The following MYOM3 variants were observed in gnomAD, a reference collection of about 807,000 sequenced individuals.
MYOM3 encodes the protein myomesin 3, also known as myomesin-3.
In MYOM3, 155 loss-of-function variants were observed where a neutral mutation model predicts 191.7. That is an observed-to-expected ratio of 0.81 (90% confidence interval 0.71 to 0.92). The LOEUF is 0.92. Among genes scored for constraint, MYOM3 ranks in the 40% least tolerant of loss-of-function variants. The pLI is 0.00. For missense variants in MYOM3, 1,889 were observed against 1,890.6 expected (o/e 1.00, Z 0.02); for synonymous variants, 757 against 762.9 (o/e 0.99, Z 0.13).
chr1:24,106,160 C>G, intron 4 of MYOM3, 83 bp from the exon 5 acceptor site: 1 of 1,437,892 alleles, frequency 7.0e-7, no homozygotes, highest in Non-Finnish European at 9.3e-7. Flanking sequence ...CACTGACACC[C>G]AGACTCTGTA....
intron 20 of MYOM3, among the ~76,000 whole-genome samples, chr1:24,078,714 A>C (rs1643632266): frequency 2.0e-5 from 3 of 152,250 alleles, no homozygotes; most frequent in Admixed American, 2.0e-4. Flanking sequence ...CCTCAAATAA[A>C]GGAGGCCCTG....
Position 24,063,507 on chromosome 1 carries a change from A to T in MYOM3, c.3646T>A (p.Leu1216Met). The change falls in exon 31 of 37, where the codon TTG (leucine) becomes ATG (methionine). Residue 1216 changes from leucine to methionine, a missense_variant. Transcript: ENST00000374434. This position sits in a 1 kb window ranked among gnomAD's most constrained non-coding sequence, Gnocchi z 4.5. ...GDALDAIFTE[L>M]GRIGALSATP... The stretch of plus-strand genomic sequence containing the variant: ...GGCTGCTTACCACCAATCCTGCCCA[A>T]CTCGGTGAAGATGGCATCCAGGGCT... 8.1e-6 allele frequency: 13 copies of T among 1,614,138 alleles called. No homozygotes were observed. The highest frequency in any genetic ancestry group is 1.1e-5 in the Non-Finnish European group (13 of 1,179,994).
rs777483764 is a variant in MYOM3, at chr1:24,068,363, C to T, written c.3155G>A (p.Arg1052His). 9 of 1,613,920 alleles carry T rather than the reference C, an allele frequency of 5.6e-6. No homozygotes were observed. The highest frequency in any genetic ancestry group is 2.7e-5 in the African/African-American group (2 of 74,876). ...NNKEIFSSPN[R>H]KINFDREKGL... ...CTTCTCTCGGTCAAAATTGATTTTG[C>T]GGTTCTGAAAAGGACAAACTCCAGA... The change falls in exon 26 of 37, where the codon CGC becomes CAC. Residue 1052 changes from arginine to histidine, a missense_variant. Arg to His is a conservative substitution (Grantham distance 29). Transcript: ENST00000374434.
At chr1:24,110,149 A>G (rs529476020) in intron 1 of MYOM3, among the ~76,000 whole-genome samples, 1 of 152,270 alleles carries the variant, frequency 6.6e-6, no homozygotes, top group African/African-American at 2.4e-5. Context: ...AAATCCCTGG[A>G]ATGGCTTTCA....
chr1:24,092,825 T>G, intron 10 of MYOM3, 122 bp downstream of exon 10: 1 of 1,024,754 alleles, frequency 9.8e-7, no homozygotes, highest in Non-Finnish European at 1.3e-6. Context: ...GCCCTGATTT[T>G]ATGGTAGAGA....
intron 35 of MYOM3, 146 bp downstream of exon 35, chr1:24,060,914 G>T: frequency 1.2e-6 from 1 of 861,742 alleles, no homozygotes; most frequent in South Asian, 1.6e-5. Context: ...TCTTGCCCAG[G>T]TCTTCCCTGC....
At chr1:24,106,357 T>C (rs1056051827) in intron 4 of MYOM3, among the ~76,000 whole-genome samples, 39 of 151,024 alleles carry the variant, frequency 2.6e-4, no homozygotes, top group African/African-American at 8.6e-4. Flanking sequence ...CCTCACCCAC[T>C]GTGGGGGTGT....
At chr1:24,081,563 C>G in intron 18 of MYOM3, 107 bp from the exon 19 acceptor site, 1 of 1,335,890 alleles carries the variant, frequency 7.5e-7, no homozygotes, top group Non-Finnish European at 1.0e-6. Flanking sequence ...GGGGGCTTTG[C>G]TTTTATTTTT....
Position 24,080,184 on chromosome 1 carries a change from G to A in MYOM3, c.2418C>T (p.Tyr806=), listed in dbSNP as rs148129834. The change falls in exon 20 of 37, where the codon TAC becomes TAT. Residue 806 remains tyrosine (Y), a synonymous_variant. Transcript: ENST00000374434. ...EWTMPQPGPP[Y]DVRASEVRAT... ...CCCGCACCTCGGATGCCCGTACATC[G>A]TACGGGGGGCCTGTGACAAGTGAGA... 7.3e-5 allele frequency: 118 copies of A among 1,609,068 alleles called. No homozygotes were observed. The highest frequency in any genetic ancestry group is 9.2e-5 in the Non-Finnish European group (108 of 1,177,486).
chr1:24,057,084 A>G lies in MYOM3; in HGVS notation c.*280T>C, dbSNP rs113558054. 1 of 469,826 alleles carries G rather than the reference A, an allele frequency of 2.1e-6. No homozygotes were observed. Among genetic ancestry groups the G allele is most frequent in the Non-Finnish European group, 3.8e-6 (1 of 261,308 alleles). 29.1% of individuals were successfully genotyped at this position (469,826 alleles called of 1,614,324 possible). On this transcript the variant is annotated 3_prime_UTR_variant, in exon 37 of 37. Coordinates refer to ENST00000374434, the MANE Select transcript of MYOM3 (RefSeq NM_152372.4). ...TTAGCAGCGTACCTGACCTCTACCT[A>G]TCAGATGCCAGTACTGTTAGATAGC... is the stretch of plus-strand genomic sequence containing the variant.
chr1:24,071,912 A>G (rs528604060), intron 24 of MYOM3, 57 bp downstream of exon 24: 2 of 1,568,614 alleles, frequency 1.3e-6, no homozygotes, highest in East Asian at 2.2e-5. Context: ...TGCTCAGAAC[A>G]TGCCAATGGG....
chr1:24,095,451 T>C lies in MYOM3; in HGVS notation c.781A>G (p.Ile261Val), dbSNP rs763185221. The C allele has an allele frequency of 1.4e-5, 23 of 1,612,798 alleles. No homozygotes were observed. The Admixed American group carries it at 3.8e-4, about 27-fold the overall frequency. Residue 261 changes from isoleucine (I) to valine (V), a missense_variant, in exon 8 of 37, where the codon ATC becomes GTC. Coordinates refer to ENST00000374434, the MANE Select transcript of MYOM3 (RefSeq NM_152372.4). ...CCCCCAGCCGACTTACTTTTGAAGA[T>C]CTCTGAATCGAAGCCAGCATCCTTC... ...LGKDAGFDSEIFKRSTFGPSV... is the reference protein window; with the variant it reads ...LGKDAGFDSEVFKRSTFGPSV...
chr1:24,076,200 G>C lies in MYOM3; in HGVS notation c.2660C>G (p.Pro887Arg). The change falls in exon 21 of 37, where the codon CCG becomes CGG. Residue 887 changes from proline (P) to arginine (R), a missense_variant. By Grantham distance (103) the Pro-to-Arg change is moderately radical. Coordinates refer to ENST00000374434, the MANE Select transcript of MYOM3 (RefSeq NM_152372.4). ...GAGCACGGGATCAGTGGGCATGGAC[G>C]GTTGCCCCAGACCAGCTGAATTCAT... ...QAMNSAGLGQ[P>R]SMPTDPVLLE... is the part of the protein sequence containing the mutation. 6.2e-7 allele frequency: 1 copy of C among 1,614,164 alleles called. No individual in the cohort carries two copies. The highest frequency in any genetic ancestry group is 8.5e-7 in the Non-Finnish European group (1 of 1,179,996).
Position 24,084,531 on chromosome 1 carries a change from T to C in MYOM3, c.1907A>G (p.Tyr636Cys), listed in dbSNP as rs1220432024. Reference sequence around the variant, plus strand: ...CTCAGATGTCCCCACCTTCCGGGAGTAGATGTAATAACCCAGGAGCTCTGG... The same window carrying C: ...CTCAGATGTCCCCACCTTCCGGGAGCAGATGTAATAACCCAGGAGCTCTGG... The part of the protein sequence containing the change: ...KDPELLGYYI[Y>C]SRKVGTSEWQ... Residue 636 changes from tyrosine (Y) to cysteine (C), a missense_variant, in exon 16 of 37, where the codon TAC becomes TGC. Coordinates refer to ENST00000374434, the MANE Select transcript of MYOM3 (RefSeq NM_152372.4). The C allele has an allele frequency of 1.9e-6, 3 of 1,613,970 alleles. No homozygotes were observed. The highest frequency in any genetic ancestry group is 2.5e-6 in the Non-Finnish European group (3 of 1,180,002).
intron 28 of MYOM3, 41 bp from the exon 29 acceptor site, chr1:24,066,042 T>C (rs1643429853): frequency 7.4e-7 from 1 of 1,358,946 alleles, no homozygotes; most frequent in African/African-American, 1.4e-5. Flanking sequence ...TCAGGCTTGT[T>C]TCTTTTTGAG....
intron 16 of MYOM3, 185 bp downstream of exon 16, chr1:24,084,283 C>T (rs768611336): frequency 1.8e-5 from 11 of 619,806 alleles, no homozygotes; most frequent in Non-Finnish European, 2.8e-6. Context: ...GTAAGACATG[C>T]TTCCTTCCCC....
chr1:24,105,343 G>C (rs775878002), intron 5 of MYOM3, among the ~76,000 whole-genome samples: 1 of 152,218 alleles, frequency 6.6e-6, no homozygotes, highest in Non-Finnish European at 1.5e-5. Flanking sequence ...CAGAAAGCGA[G>C]GCTGGGAACA....
chr1:24,065,818 G>C (rs1478819913), intron 29 of MYOM3, 73 bp downstream of exon 29: 1 of 1,179,734 alleles, frequency 8.5e-7, no homozygotes, highest in South Asian at 1.2e-5. Context: ...CTGACTCCCA[G>C]CCCAGAGCTC....
At chr1:24,105,490 C>T (rs1306771399) in intron 5 of MYOM3, among the ~76,000 whole-genome samples, 1 of 152,236 alleles carries the variant, frequency 6.6e-6, no homozygotes, top group Non-Finnish European at 1.5e-5. Flanking sequence ...TGGAGACGCC[C>T]AGCTTGCAGC....
Sources: allele counts gnomAD v4.1 joint callset (sites outside exome capture counted in the v4.1 genomes callset), GRCh38; gene constraint gnomAD v4.1.1; non-coding constraint Gnocchi (gnomAD v3.1); transcripts MANE v1.5; gene names NCBI Gene and HGNC (gene_info 2026-07-23, HGNC 2026-07-21).